Variants in PCTP observed in about 807,000 individuals in gnomAD.
The protein encoded by PCTP is START domain-containing protein 2.
PCTP carries 27 observed loss-of-function variants against 31.0 expected under a neutral mutation model. The observed-to-expected ratio is 0.87, with a 90% CI of 0.64 to 1.20. The LOEUF is 1.20. Ranked by LOEUF, PCTP falls within the 50% of genes most tolerant of loss-of-function variation. The probability of loss-of-function intolerance (pLI) is 0.00; values close to 1 mark genes in which losing one functional copy is unlikely to be tolerated. For synonymous variants in PCTP, 108 were observed against 101.2 expected (o/e 1.07, Z -0.40); for missense variants, 287 against 268.2 (o/e 1.07, Z -0.49).
chr17:55,784,811 A>T (rs918758901), intron 2 of PCTP, among the ~76,000 whole-genome samples: 21 of 152,246 alleles, frequency 1.4e-4, no homozygotes, highest in Admixed American at 2.6e-4. Flanking sequence ...GAGACCTAAA[A>T]AATTCCATAT....
chr17:55,808,018 T>C (rs1912628769), intron 3 of PCTP, among the ~76,000 whole-genome samples: 2 of 152,156 alleles, frequency 1.3e-5, no homozygotes, highest in African/African-American at 4.8e-5. Flanking sequence ...ATAATGATGG[T>C]GGTGACTACA....
chr17:55,752,570 G>C (rs533142440), intron 1 of PCTP, among the ~76,000 whole-genome samples: 1 of 152,302 alleles, frequency 6.6e-6, no homozygotes, highest in East Asian at 1.9e-4. Flanking sequence ...ATATATATTT[G>C]CTTTGGATGC....
intron 1 of PCTP, among the ~76,000 whole-genome samples, chr17:55,764,649 C>T (rs79575635): frequency 0.014 from 2,134 of 152,224 alleles, 53 homozygotes; most frequent in African/African-American, 0.049. Flanking sequence ...ATTCCTAAAC[C>T]GGGATGTATT....
At chr17:55,783,404 TG>T (rs1911635211) in intron 2 of PCTP, among the ~76,000 whole-genome samples, 1 of 152,046 alleles carries the variant, frequency 6.6e-6, no homozygotes, top group Non-Finnish European at 1.5e-5. Flanking sequence ...TGGACAGATA[TG>T]GGGAGGGGAC....
At chr17:55,778,862 C>A (rs1291743370), downstream of PCTP, among the ~76,000 whole-genome samples, 1 of 152,146 alleles carries the variant, frequency 6.6e-6, no homozygotes, top group Admixed American at 6.5e-5. Context: ...CACTGCATAA[C>A]AATTCAAAGT....
At chr17:55,751,819 TAGG>T (rs1252572906) in intron 1 of PCTP, among the ~76,000 whole-genome samples, 1 of 152,068 alleles carries the variant, frequency 6.6e-6, no homozygotes, top group Non-Finnish European at 1.5e-5. Context: ...AGTAAAGATG[TAGG>T]AGGAATGGGA....
chr17:55,833,781 C>T (rs909101720), intron 5 of PCTP, among the ~76,000 whole-genome samples: 1 of 152,194 alleles, frequency 6.6e-6, no homozygotes, highest in African/African-American at 2.4e-5. Context: ...ATATTCTCAT[C>T]CCCCGCTGAA....
chr17:55,751,309 G>C, intron 1 of PCTP, 65 bp downstream of exon 1: 9 of 1,517,574 alleles, frequency 5.9e-6, no homozygotes, highest in African/African-American at 1.4e-5. Context: ...TCCCCGCAGG[G>C]AGTGCGGGGC....
At chr17:55,781,292 C>T (rs1911557016), downstream of PCTP, among the ~76,000 whole-genome samples, 1 of 152,222 alleles carries the variant, frequency 6.6e-6, no homozygotes, top group Non-Finnish European at 1.5e-5. Context: ...TTGCCTCAGG[C>T]TACTCTTTTT....
chr17:55,785,512 A>G (rs527343356), intron 2 of PCTP, among the ~76,000 whole-genome samples: 4 of 152,400 alleles, frequency 2.6e-5, no homozygotes, highest in African/African-American at 9.6e-5. Flanking sequence ...ATGTAGTGAT[A>G]GATAACTGAA....
intron 3 of PCTP, among the ~76,000 whole-genome samples, chr17:55,791,685 G>A (rs933296593): frequency 4.3e-4 from 66 of 152,150 alleles, no homozygotes; most frequent in African/African-American, 1.4e-3. Flanking sequence ...TGAAGAAATA[G>A]GAACACTTTT....
intron 5 of PCTP, among the ~76,000 whole-genome samples, chr17:55,832,618 A>G (rs189124900): frequency 1.2e-4 from 19 of 152,326 alleles, no homozygotes; most frequent in Admixed American, 1.1e-3. Flanking sequence ...AAATTCATGC[A>G]ATGTATTATG....
chr17:55,826,945 A>AT (rs1421626069), downstream of PCTP, among the ~76,000 whole-genome samples: 1 of 150,638 alleles, frequency 6.6e-6, no homozygotes, highest in African/African-American at 2.5e-5. Context: ...TGCCACTAAG[A>AT]TTTTTTGTTT....
chr17:55,825,978 C>G (rs201034913), downstream of PCTP, among the ~76,000 whole-genome samples: 2 of 151,068 alleles, frequency 1.3e-5, no homozygotes, highest in East Asian at 3.9e-4. Flanking sequence ...ATCATAGTTG[C>G]CCTCACTATC....
intron 5 of PCTP, among the ~76,000 whole-genome samples, chr17:55,840,036 T>G (rs1249092405): frequency 1.3e-5 from 2 of 152,112 alleles, no homozygotes; most frequent in African/African-American, 4.8e-5. Context: ...CTTTTTATTT[T>G]TTCAAAGAAA....
chr17:55,786,074 A>G (rs185203684), intron 2 of PCTP, among the ~76,000 whole-genome samples: 6 of 152,302 alleles, frequency 3.9e-5, no homozygotes, highest in African/African-American at 1.2e-4. Context: ...CTTGAGGCCA[A>G]GAGTTCAAGA....
At chr17:55,816,027 A>G (rs1912903134) in intron 3 of PCTP, among the ~76,000 whole-genome samples, 1 of 152,148 alleles carries the variant, frequency 6.6e-6, no homozygotes, top group Admixed American at 6.5e-5. Flanking sequence ...TGTCTACCTG[A>G]AATTACTAAC....
At chr17:55,792,179 T>A (rs8074077) in intron 3 of PCTP, among the ~76,000 whole-genome samples, 22,308 of 105,720 alleles carry the variant, frequency 0.21, 2,510 homozygotes, top group African/African-American at 0.34. Flanking sequence ...GGGGGGAGGG[T>A]TAGCATTGGG....
chr17:55,780,078 T>G (rs779946249), downstream of PCTP, among the ~76,000 whole-genome samples: 16 of 146,286 alleles, frequency 1.1e-4, no homozygotes, highest in Admixed American at 6.8e-4. Flanking sequence ...CATCCTTAAC[T>G]GCAAGGAAGA....
Sources: allele counts gnomAD v4.1 joint callset (sites outside exome capture counted in the v4.1 genomes callset), GRCh38; gene constraint gnomAD v4.1.1; transcripts MANE v1.5; gene names NCBI Gene and HGNC (gene_info 2026-07-23, HGNC 2026-07-21).